Variants in IPPK observed in about 807,000 individuals in gnomAD.
The protein encoded by IPPK is IPK1 homolog.
In IPPK, 22 loss-of-function variants were observed where a neutral mutation model predicts 64.6. The ratio of observed to expected loss-of-function variants is 0.34; its 90% CI spans 0.24 to 0.49. The LOEUF is 0.49. IPPK is among the 20% of genes least tolerant of loss of function. IPPK has a pLI of 0.99. For synonymous variants in IPPK, 262 were observed against 247.2 expected (o/e 1.06, Z -0.56); for missense variants, 532 against 630.7 (o/e 0.84, Z 1.68).
At chr9:92,631,666 G>A (rs915718849) in intron 11 of IPPK, among the ~76,000 whole-genome samples, 8 of 152,186 alleles carry the variant, frequency 5.3e-5, no homozygotes, top group Non-Finnish European at 8.8e-5. Flanking sequence ...CTCAAGCCAC[G>A]TTTCTCCCAC....
rs1852213419 is a variant in IPPK, at chr9:92,649,426, C to T, written c.414+27G>A. 8 of 1,613,574 alleles carry T rather than the reference C, an allele frequency of 5.0e-6. No individual in the cohort carries two copies. In the East Asian group the frequency reaches 1.6e-4, roughly 31 times the overall value. ...CCAAGACTGACCTTTCCCCTTTACC[C>T]ACACCATCTGCCCCTCGACAGGTCA... On this transcript the variant is annotated intron_variant, in intron 5 of 12. Transcript: ENST00000287996.
intron 5 of IPPK, among the ~76,000 whole-genome samples, chr9:92,649,138 G>A (rs1182415623): frequency 6.6e-6 from 1 of 152,228 alleles, no homozygotes; most frequent in Non-Finnish European, 1.5e-5. Context: ...AGGAAAACGG[G>A]TCAGGGGGAC....
chr9:92,630,010 C>A (rs1313939688), intron 11 of IPPK, among the ~76,000 whole-genome samples: 2 of 152,102 alleles, frequency 1.3e-5, no homozygotes, highest in African/African-American at 4.8e-5. Flanking sequence ...CATAAAAGTG[C>A]CACTGGACCT....
At chr9:92,659,725 T>C (rs908026037) in intron 1 of IPPK, among the ~76,000 whole-genome samples, 2 of 152,042 alleles carry the variant, frequency 1.3e-5, no homozygotes, top group Non-Finnish European at 2.9e-5. Context: ...GATCAAAAGA[T>C]GCCTAAGGAG....
rs532896117 is a variant in IPPK at position 92,646,203 on chromosome 9, A to G, written c.504+1856T>C. ...TAGACTGTTCAGGTTATTATCTTAA[A>G]TTAACACTCAGAGCAACGAGGCAGA... On this transcript the variant is annotated intron_variant, in intron 6 of 12. Transcript: ENST00000287996. Among the ~76,000 whole-genome samples the G allele has an allele frequency of 2.6e-5, 4 of 152,344 alleles. No individual in the cohort carries two copies. The South Asian group carries it at 8.3e-4, about 32-fold the overall frequency.
At position 92,669,947 on chromosome 9, in the gene IPPK, G is replaced by T. The variant is rs1486962577; in HGVS notation, c.42C>A (p.His14Gln). Residue 14 changes from histidine (H) to glutamine (Q), a missense_variant, in exon 1 of 13, where the codon CAC (histidine) becomes CAA (glutamine). Coordinates refer to ENST00000287996, the MANE Select transcript of IPPK (RefSeq NM_022755.6). ...GKMDENEWGY[H>Q]GEGNKSLVVA... ...CCACCAGGCTCTTATTGCCCTCTCC[G>T]TGGTACCCCCATTCATTCTCGTCCA... is the stretch of plus-strand genomic sequence containing the variant. The T allele has an allele frequency of 6.2e-7, 1 of 1,613,180 alleles. No homozygotes were observed. Among genetic ancestry groups the T allele is most frequent in the Admixed American group, 1.7e-5 (1 of 59,968 alleles).
intron 7 of IPPK, among the ~76,000 whole-genome samples, chr9:92,641,668 C>A (rs1852048990): frequency 6.6e-6 from 1 of 152,154 alleles, no homozygotes. Flanking sequence ...TTTTTAACTT[C>A]CAAAGACAAC....
chr9:92,668,139 A>G (rs1475515753), intron 1 of IPPK, among the ~76,000 whole-genome samples: 3 of 150,226 alleles, frequency 2.0e-5, no homozygotes, highest in African/African-American at 7.4e-5. Flanking sequence ...ACGGTAGCGC[A>G]TGCCTGTGAT....
Position 92,670,114 on chromosome 9 carries a change from G to A in IPPK, c.-126C>T. On this transcript the variant is annotated 5_prime_UTR_variant, in exon 1 of 13. Coordinates refer to ENST00000287996, the MANE Select transcript of IPPK (RefSeq NM_022755.6). Reference sequence around the variant, plus strand: ...CGCCTGTCAGCTGCCGCCCCCGCTCGACCCCGCCGCGGCGACTAGCAAGCT... The same window carrying A: ...CGCCTGTCAGCTGCCGCCCCCGCTCAACCCCGCCGCGGCGACTAGCAAGCT... 3.4e-6 allele frequency: 2 copies of A among 594,978 alleles called. No homozygotes were observed. Among genetic ancestry groups the A allele is most frequent in the Non-Finnish European group, 5.5e-6 (2 of 364,786 alleles). 36.9% of individuals were successfully genotyped at this position (594,978 alleles called of 1,614,324 possible). A position where few individuals can be genotyped will look rare whatever the true frequency, so the allele number is the denominator to read the frequency against.
At chr9:92,630,805 T>C (rs1444450867) in intron 11 of IPPK, among the ~76,000 whole-genome samples, 1 of 152,120 alleles carries the variant, frequency 6.6e-6, no homozygotes, top group Non-Finnish European at 1.5e-5. Flanking sequence ...ACTTTAAATA[T>C]GCAGGATCAA....
rs578048525 is a variant in IPPK at position 92,645,752 on chromosome 9, A to G, written c.504+2307T>C. Among the ~76,000 whole-genome samples the G allele has an allele frequency of 9.8e-5, 15 of 152,292 alleles. No homozygotes were observed. In the East Asian group the frequency reaches 2.3e-3, roughly 24 times the overall value. On this transcript the variant is annotated intron_variant, in intron 6 of 12. Transcript: ENST00000287996. ...AGAAAGATTGCCATCCAAGAATTCT[A>G]TATCTACCAAGACTATCCTTTGAAA...
intron 11 of IPPK, among the ~76,000 whole-genome samples, chr9:92,625,457 C>T (rs1398672940): frequency 6.6e-6 from 1 of 152,058 alleles, no homozygotes; most frequent in African/African-American, 2.4e-5. Flanking sequence ...TTTTTAATAC[C>T]AACAAATTAA....
In IPPK at chr9:92,614,056, C is replaced by CCAT. The variant is rs1325772440; in HGVS notation, c.*1773_*1775dup. ...CCAAGACCAGACAGAGTGGGGGTCTCCATCTGTTTTCTCTTCTCCCTCAAA... is the reference window on the plus strand; with the variant it reads ...CCAAGACCAGACAGAGTGGGGGTCTCCATCATCTGTTTTCTCTTCTCCCTCAAA... On this transcript the variant is annotated 3_prime_UTR_variant, in exon 13 of 13. Coordinates refer to ENST00000287996, the MANE Select transcript of IPPK (RefSeq NM_022755.6). The CCAT allele has an allele frequency of 6.6e-6, 1 of 152,256 alleles. No homozygotes were observed. Among genetic ancestry groups the CCAT allele is most frequent in the Non-Finnish European group, 1.5e-5 (1 of 68,110 alleles). The allele number at this position is 152,256 out of a possible 1,614,324, so 9.4% of individuals were successfully genotyped here.
intron 1 of IPPK, among the ~76,000 whole-genome samples, chr9:92,664,065 C>T (rs1028418972): frequency 1.2e-4 from 18 of 152,328 alleles, no homozygotes; most frequent in African/African-American, 4.1e-4. Flanking sequence ...AGCTTACCCC[C>T]GCAGCTCCAG....
intron 4 of IPPK, among the ~76,000 whole-genome samples, 195 bp downstream of exon 4, chr9:92,652,378 G>A (rs1852284005): frequency 6.6e-6 from 1 of 151,470 alleles, no homozygotes; most frequent in South Asian, 2.1e-4. Context: ...GAACCCGGGA[G>A]GTGGAGCTTG....
chr9:92,666,863 C>T (rs948580138), intron 1 of IPPK, among the ~76,000 whole-genome samples: 1 of 152,166 alleles, frequency 6.6e-6, no homozygotes, highest in Non-Finnish European at 1.5e-5. Flanking sequence ...GTAGCCCACA[C>T]CTAGTTCCTC....
intron 8 of IPPK, among the ~76,000 whole-genome samples, chr9:92,639,329 G>C (rs1852003544): frequency 6.6e-6 from 1 of 152,186 alleles, no homozygotes; most frequent in Non-Finnish European, 1.5e-5. Context: ...GGTTACAGGT[G>C]TGAGCCACTG....
At chr9:92,656,398 T>C (rs935231936) in intron 3 of IPPK, 58 bp downstream of exon 3, 13 of 1,052,626 alleles carry the variant, frequency 1.2e-5, no homozygotes, top group Admixed American at 1.2e-4. Flanking sequence ...CACCGGGAAA[T>C]TGGCAGTGTT....
intron 11 of IPPK, among the ~76,000 whole-genome samples, chr9:92,633,290 C>T (rs1168450432): frequency 1.3e-5 from 2 of 150,762 alleles, no homozygotes; most frequent in East Asian, 2.0e-4. Context: ...GGTTTACAGG[C>T]GTGAGCCACC....
Sources: allele counts gnomAD v4.1 joint callset (sites outside exome capture counted in the v4.1 genomes callset), GRCh38; gene constraint gnomAD v4.1.1; transcripts MANE v1.5; gene names NCBI Gene and HGNC (gene_info 2026-07-23, HGNC 2026-07-21).